Variants in LDB3 observed in about 807,000 individuals in gnomAD.
LDB3 encodes LIM domain binding 3, also known as LIM domain-binding protein 3.
A neutral mutation model predicts 69.0 loss-of-function variants in LDB3; 49 were observed. That is an observed-to-expected ratio of 0.71 (90% confidence interval 0.56 to 0.90). The LOEUF (loss-of-function observed/expected upper bound fraction) is 0.90. LDB3 is among the 40% of genes least tolerant of loss of function. The pLI is 0.00. For missense variants in LDB3, 928 were observed against 974.1 expected (o/e 0.95, Z 0.63); for synonymous variants, 387 against 396.2 (o/e 0.98, Z 0.28).
At chr10:86,668,500 C>A (rs965356368), upstream of LDB3, 70 of 670,228 alleles carry the variant, frequency 1.0e-4, no homozygotes, top group African/African-American at 1.1e-3. Context: ...CGATGGCATT[C>A]GCTCCCAGCT....
At chr10:86,686,720 T>C (rs1034609847) in intron 5 of LDB3, among the ~76,000 whole-genome samples, 3 of 147,728 alleles carry the variant, frequency 2.0e-5, no homozygotes, top group African/African-American at 7.6e-5. Flanking sequence ...GGTGAGAGGA[T>C]CACTTGAGCC....
intron 7 of LDB3, among the ~76,000 whole-genome samples, chr10:86,703,306 C>T (rs112541682): frequency 6.6e-6 from 1 of 152,224 alleles, no homozygotes; most frequent in Admixed American, 6.5e-5. Context: ...GTCTGAGCAG[C>T]CAGCTCAGTG....
chr10:86,673,048 C>T (rs1012162991), intron 2 of LDB3, among the ~76,000 whole-genome samples: 3 of 152,248 alleles, frequency 2.0e-5, no homozygotes, highest in African/African-American at 7.2e-5. Flanking sequence ...ACACTGAGCC[C>T]TCCCACCCCC....
intron 7 of LDB3, among the ~76,000 whole-genome samples, chr10:86,695,426 C>G (rs1489961483): frequency 6.6e-6 from 1 of 152,222 alleles, no homozygotes. Context: ...GCTCCAGTGC[C>G]AACCTGCTGG....
intron 7 of LDB3, among the ~76,000 whole-genome samples, chr10:86,702,470 G>A (rs771591566): frequency 6.6e-5 from 10 of 152,230 alleles, no homozygotes; most frequent in Non-Finnish European, 1.2e-4. Flanking sequence ...TGACCAGACT[G>A]AGGGAAGAGA....
Position 86,680,154 on chromosome 10 carries a change from G to A in LDB3, c.318G>A (p.Gln106=), listed in dbSNP as rs760617777. Reference sequence around the variant, plus strand: ...CCCCTCTGCCGGTGATCCCTCACCAGAAGGTAGGTGCTGACTGTGGCGGCG... The same window carrying A: ...CCCCTCTGCCGGTGATCCCTCACCAAAAGGTAGGTGCTGACTGTGGCGGCG... ...VQTPLPVIPH[Q]KDPALDTNGS... is the part of the protein sequence containing the mutation. The change falls in exon 4 of 14, where the codon CAG becomes CAA. Residue 106 remains glutamine (Q), a synonymous_variant. Transcript: ENST00000361373. The A allele has an allele frequency of 4.7e-5, 76 of 1,613,926 alleles. No individual in the cohort carries two copies. The highest frequency in any genetic ancestry group is 5.8e-5 in the Non-Finnish European group (68 of 1,179,868).
chr10:86,718,911 G>A, intron 12 of LDB3, 64 bp downstream of exon 12: 1 of 1,602,224 alleles, frequency 6.2e-7, no homozygotes, highest in South Asian at 1.1e-5. Context: ...CAGGCACAGG[G>A]AACTAACTCC....
chr10:86,695,148 TGTGTGGTG>T (rs1845943866), intron 7 of LDB3, among the ~76,000 whole-genome samples: 1 of 1,540 alleles, frequency 6.5e-4, no homozygotes, highest in Non-Finnish European at 7.7e-3. Flanking sequence ...TTCCTGGTGC[TGTGTGGTG>T]CTGTGTGGTG....
chr10:86,691,652 G>C (rs1845767209), intron 5 of LDB3, among the ~76,000 whole-genome samples: 1 of 148,778 alleles, frequency 6.7e-6, no homozygotes, highest in South Asian at 2.1e-4. Context: ...ACTGGGGAAG[G>C]GCAGACCTGA....
In LDB3 at chr10:86,681,797, C is replaced by T; in HGVS notation, c.683C>T (p.Pro228Leu). The change falls in exon 5 of 14, where the codon CCA (proline) becomes CTA (leucine). Residue 228 changes from proline (P) to leucine (L), a missense_variant. Coordinates refer to ENST00000361373, the MANE Select transcript of LDB3 (RefSeq NM_007078.3). ...GGGAAGGCCTCGGGTGTCGGACTCCCAGGAGGGTAGGTAACGGACATACAG... is the reference window on the plus strand; with the variant it reads ...GGGAAGGCCTCGGGTGTCGGACTCCTAGGAGGGTAGGTAACGGACATACAG... ...LRGKASGVGL[P>L]GGSLPIKDLA... The T allele has an allele frequency of 6.3e-7, 1 of 1,594,186 alleles. No individual in the cohort carries two copies. The highest frequency in any genetic ancestry group is 8.5e-7 in the Non-Finnish European group (1 of 1,171,294).
In LDB3 at chr10:86,726,189, G is replaced by A; in HGVS notation, c.2031G>A (p.Glu677=). Residue 677 remains glutamate (E), a synonymous_variant, in exon 13 of 14, where the codon GAG becomes GAA. Coordinates refer to ENST00000361373, the MANE Select transcript of LDB3 (RefSeq NM_007078.3). ...TKCHGCDFPV[E]AGDKFIEALG... The stretch of plus-strand genomic sequence containing the variant: ...GCCATGGCTGCGATTTCCCCGTGGA[G>A]GCTGGCGACAAGTTTATCGAAGCCC... 1.9e-6 allele frequency: 3 copies of A among 1,614,104 alleles called. No homozygotes were observed. The highest frequency in any genetic ancestry group is 1.7e-6 in the Non-Finnish European group (2 of 1,180,038).
chr10:86,731,366 C>T (rs969631667), intron 13 of LDB3, among the ~76,000 whole-genome samples: 1 of 150,946 alleles, frequency 6.6e-6, no homozygotes, highest in South Asian at 2.1e-4. Flanking sequence ...CTGGGATTAC[C>T]AGTGCGCACC....
chr10:86,690,148 C>G (rs996008279), intron 5 of LDB3, among the ~76,000 whole-genome samples: 1 of 152,204 alleles, frequency 6.6e-6, no homozygotes, highest in Admixed American at 6.5e-5. Flanking sequence ...TCCACCTGCT[C>G]TCTGGATTGC....
At chr10:86,718,167 C>T (rs759496538) in intron 11 of LDB3, 23 bp downstream of exon 11, 4 of 1,608,784 alleles carry the variant, frequency 2.5e-6, no homozygotes, top group South Asian at 1.1e-5. Flanking sequence ...CCTCCATTTC[C>T]TCTGACCCAT....
intron 2 of LDB3, among the ~76,000 whole-genome samples, chr10:86,671,331 G>A (rs1336484643): frequency 1.3e-5 from 2 of 152,166 alleles, no homozygotes; most frequent in East Asian, 3.9e-4. Flanking sequence ...CTGCAGGTGT[G>A]TGCTGCAGCT....
At position 86,681,456 on chromosome 10, in the gene LDB3, C is replaced by T. The variant is rs151166414; in HGVS notation, c.342C>T (p.Asn114=). ...PHQKDPALDT[N]GSLVAPSPSP... ...GCCAGGACCCCGCTCTGGACACGAA[C>T]GGCAGCCTGGTGGCACCCAGCCCCA... Residue 114 remains asparagine (N), a synonymous_variant, in exon 5 of 14, where the codon AAC becomes AAT. Coordinates refer to ENST00000361373, the MANE Select transcript of LDB3 (RefSeq NM_007078.3). 61 of 1,604,666 alleles carry T rather than the reference C, an allele frequency of 3.8e-5. No homozygotes were observed. The highest frequency in any genetic ancestry group is 3.7e-4 in the African/African-American group (28 of 74,924).
chr10:86,708,337 G>A (rs550492632), intron 8 of LDB3, among the ~76,000 whole-genome samples: 359 of 152,334 alleles, frequency 2.4e-3, no homozygotes, highest in African/African-American at 8.2e-3. Context: ...ATGGGCTGGG[G>A]TGGAGCGGGA....
At chr10:86,694,423 T>C (rs866090071) in intron 7 of LDB3, among the ~76,000 whole-genome samples, 2 of 152,132 alleles carry the variant, frequency 1.3e-5, no homozygotes, top group Non-Finnish European at 2.9e-5. Flanking sequence ...GGTTTCATGC[T>C]AGGGAAATCT....
rs755552822 is a variant in LDB3 at position 86,732,003 on chromosome 10, C to CTTTTT, written c.2095-883_2095-879dup. Among the ~76,000 whole-genome samples, 53 of 123,210 alleles carry CTTTTT rather than the reference C, an allele frequency of 4.3e-4. 1 individual carries two copies. The highest frequency in any genetic ancestry group is 1.2e-3 in the African/African-American group (37 of 31,290). The allele number at this position is 123,210 out of a possible 152,430, so 80.8% of individuals were successfully genotyped here. A position where few individuals can be genotyped will look rare whatever the true frequency, so the allele number is the denominator to read the frequency against. On this transcript the variant is annotated intron_variant, in intron 13 of 13. Coordinates refer to ENST00000361373, the MANE Select transcript of LDB3 (RefSeq NM_007078.3). ...TTAACTAATTTTCTTTTCTTTCTTT[C>CTTTTT]TTTTTCTTTTTTTTTTTTTTTGGTA...
Sources: allele counts gnomAD v4.1 joint callset (sites outside exome capture counted in the v4.1 genomes callset), GRCh38; gene constraint gnomAD v4.1.1; transcripts MANE v1.5; gene names NCBI Gene and HGNC (gene_info 2026-07-23, HGNC 2026-07-21).